Variants in SNAPC4 observed in about 807,000 individuals in gnomAD.
SNAPC4 encodes the protein snRNA-activating protein complex subunit 4.
In SNAPC4, 127 loss-of-function variants were observed where a neutral mutation model predicts 151.3. That is an observed-to-expected ratio of 0.84 (90% confidence interval 0.73 to 0.97). The LOEUF is 0.97. SNAPC4 is among the 50% of genes least tolerant of loss of function. The pLI is 0.00. For missense variants in SNAPC4, 2,186 were observed against 1,935.0 expected (o/e 1.13, Z -2.43); for synonymous variants, 1,002 against 824.4 (o/e 1.22, Z -3.69).
Position 136,377,890 on chromosome 9 carries a change from C to T in SNAPC4, c.3937G>A (p.Ala1313Thr), listed in dbSNP as rs1833516050. ...TTGTGGAGTAGGAGACCGGACAGAG[C>T]TCGCAGGCTGCACAGGGCTGGGGGC... is the stretch of plus-strand genomic sequence containing the variant. ...YQPPALCSLR[A>T]LSGLLLHKKA... Residue 1313 changes from alanine to threonine, a missense_variant, in exon 22 of 24, where the codon GCT becomes ACT. Coordinates refer to ENST00000684778, the MANE Select transcript of SNAPC4 (RefSeq NM_003086.4). 1 of 1,611,404 alleles carries T rather than the reference C, an allele frequency of 6.2e-7. No homozygotes were observed. The highest frequency in any genetic ancestry group is 8.5e-7 in the Non-Finnish European group (1 of 1,179,814).
In SNAPC4 at chr9:136,379,172, G is replaced by A. The variant is rs751386317; in HGVS notation, c.2655C>T (p.Gly885=). The part of the protein sequence containing the change: ...LPQASLLAST[G]PRPKPKTVSE... ...ACACAGTCTTGGGCTTGGGCCGGGG[G>A]CCGGTTGAAGCCAGCAGGGACGCCT... Residue 885 remains glycine, a synonymous_variant, in exon 22 of 24, where the codon GGC becomes GGT. Transcript: ENST00000684778. 1.9e-5 allele frequency: 31 copies of A among 1,593,976 alleles called. No individual in the cohort carries two copies. The highest frequency in any genetic ancestry group is 2.5e-5 in the Non-Finnish European group (29 of 1,171,442).
At chr9:136,392,378 A>G (rs1392913077) in intron 9 of SNAPC4, 144 bp downstream of exon 9, 5 of 876,064 alleles carry the variant, frequency 5.7e-6, no homozygotes, top group African/African-American at 3.3e-5. Flanking sequence ...ACTGTGGGAC[A>G]TGTGCTTGAC....
chr9:136,389,875 C>T (rs1436841797), intron 10 of SNAPC4, among the ~76,000 whole-genome samples: 2 of 152,192 alleles, frequency 1.3e-5, no homozygotes, highest in African/African-American at 4.8e-5. Context: ...CCTGGCTTTT[C>T]TTGACAGTGA....
intron 7 of SNAPC4, 49 bp from the exon 8 acceptor site, chr9:136,392,826 G>A: frequency 6.7e-7 from 1 of 1,498,674 alleles, no homozygotes; most frequent in South Asian, 1.1e-5. Flanking sequence ...GGGCTGCGGG[G>A]CGGGGCAGGT....
chr9:136,377,692 C>T lies in SNAPC4; in HGVS notation c.4135G>A (p.Ala1379Thr). The change falls in exon 22 of 24, where the codon GCC (alanine) becomes ACC (threonine). Residue 1379 changes from alanine (A) to threonine (T), a missense_variant. Coordinates refer to ENST00000684778, the MANE Select transcript of SNAPC4 (RefSeq NM_003086.4). Reference sequence around the variant, plus strand: ...CGGACGCCTTGGGGGGCCAGGGTGGCCAGGAGCGCAGGGAGGGTGAAGGCT... The same window carrying T: ...CGGACGCCTTGGGGGGCCAGGGTGGTCAGGAGCGCAGGGAGGGTGAAGGCT... ...LAAFTLPALL[A>T]TLAPQGVRTT... 6.2e-7 allele frequency: 1 copy of T among 1,608,244 alleles called. No individual in the cohort carries two copies. The highest frequency in any genetic ancestry group is 1.7e-5 in the Admixed American group (1 of 59,754).
At chr9:136,392,478 C>T in intron 9 of SNAPC4, 44 bp downstream of exon 9, 1 of 1,587,560 alleles carries the variant, frequency 6.3e-7, no homozygotes, top group Non-Finnish European at 8.6e-7. Flanking sequence ...CTACAGGGAG[C>T]TGTGCTCCAA....
At position 136,387,843 on chromosome 9, in the gene SNAPC4, A is replaced by G. The variant is rs772988777; in HGVS notation, c.1129T>C (p.Tyr377His). The G allele has an allele frequency of 6.3e-7, 1 of 1,576,340 alleles. No individual in the cohort carries two copies. Among genetic ancestry groups the G allele is most frequent in the Non-Finnish European group, 8.7e-7 (1 of 1,145,826 alleles). The change falls in exon 12 of 24, where the codon TAC becomes CAC. Residue 377 changes from tyrosine (Y) to histidine (H), a missense_variant. Transcript: ENST00000684778. ...GSHIPYRRIV[Y>H]YMEGRDSMQL... ...ATGGAGTCTCTCCCTTCCATATAGT[A>G]GACAACTAGGGACAGAGGAACAGGG...
chr9:136,382,727 C>CT (rs1398523471), intron 16 of SNAPC4, among the ~76,000 whole-genome samples: 1 of 152,242 alleles, frequency 6.6e-6, no homozygotes, highest in Non-Finnish European at 1.5e-5. Flanking sequence ...CTGTTCAACT[C>CT]TGACTGCTCC....
At chr9:136,393,297 A>C (rs1301614568) in intron 7 of SNAPC4, among the ~76,000 whole-genome samples, 1 of 152,162 alleles carries the variant, frequency 6.6e-6, no homozygotes, top group Non-Finnish European at 1.5e-5. Flanking sequence ...GGCATGGCCA[A>C]AGCCCTCTCA....
chr9:136,384,821 G>A lies in SNAPC4; in HGVS notation c.1326-7C>T, dbSNP rs371014576. ...ATGTAATCTCCTGAGATACCTGAAC[G>A]TGACATGAAAAGCAAAGAACGTTTT... On this transcript the variant is annotated splice_region_variant and splice_polypyrimidine_tract_variant and intron_variant, in intron 13 of 23. Coordinates refer to ENST00000684778, the MANE Select transcript of SNAPC4 (RefSeq NM_003086.4). 7.1e-6 allele frequency: 11 copies of A among 1,538,504 alleles called. No individual in the cohort carries two copies. Among genetic ancestry groups the A allele is most frequent in the African/African-American group, 2.8e-5 (2 of 72,170 alleles).
chr9:136,393,530 T>C (rs1327062025), intron 7 of SNAPC4, among the ~76,000 whole-genome samples: 1 of 152,208 alleles, frequency 6.6e-6, no homozygotes, highest in Non-Finnish European at 1.5e-5. Flanking sequence ...TGCTGTGCCT[T>C]CTTTGGTCAC....
chr9:136,398,619 ACC>A, intron 1 of SNAPC4, 182 bp from the exon 2 acceptor site: 1 of 618,184 alleles, frequency 1.6e-6, no homozygotes, highest in Non-Finnish European at 2.8e-6. Flanking sequence ...GGAACCTCAG[ACC>A]CCACAAACTC....
chr9:136,397,641 G>A (rs1272266254), intron 2 of SNAPC4, among the ~76,000 whole-genome samples: 1 of 114,818 alleles, frequency 8.7e-6, no homozygotes, highest in Non-Finnish European at 1.8e-5. Flanking sequence ...GAGCACGTGG[G>A]GAGGGGAGCA....
intron 14 of SNAPC4, 53 bp from the exon 15 acceptor site, chr9:136,384,085 G>A: frequency 1.3e-6 from 2 of 1,507,748 alleles, no homozygotes; most frequent in East Asian, 4.6e-5. Context: ...TCTTCCCCAG[G>A]ACAGGCTTGC....
chr9:136,378,200 G>A lies in SNAPC4; in HGVS notation c.3627C>T (p.Phe1209=), dbSNP rs141247309. The change falls in exon 22 of 24, where the codon TTC becomes TTT. Residue 1209 remains phenylalanine, a synonymous_variant. Transcript: ENST00000684778. ...GCTCAGTTGCTGGGATGACACCACCGAAGGCTGGCAGCCTCCCGGACCAAG... is the reference window on the plus strand; with the variant it reads ...GCTCAGTTGCTGGGATGACACCACCAAAGGCTGGCAGCCTCCCGGACCAAG... ...EPPWSGRLPA[F]GGVIPATEPR... is the part of the protein sequence containing the mutation. 9.7e-5 allele frequency: 156 copies of A among 1,612,158 alleles called. 1 individual carries two copies. In the African/African-American group the frequency reaches 1.2e-3, roughly 12 times the overall value.
At position 136,378,136 on chromosome 9, in the gene SNAPC4, G is replaced by T. The variant is rs1019236506; in HGVS notation, c.3691C>A (p.Pro1231Thr). Residue 1231 changes from proline to threonine, a missense_variant, in exon 22 of 24, where the codon CCC becomes ACC. Pro to Thr is a conservative substitution (Grantham distance 38). Transcript: ENST00000684778. The stretch of plus-strand genomic sequence containing the variant: ...TTCTCCAGGCCCAGAGGCCCCCTGG[G>T]CTCCTGTGTCCCTGAGGGGGACCCC... The part of the protein sequence containing the change: ...TPGSPSGTQE[P>T]RGPLGLEKLP... 6.2e-7 allele frequency: 1 copy of T among 1,607,484 alleles called. No homozygotes were observed. Among genetic ancestry groups the T allele is most frequent in the Non-Finnish European group, 8.5e-7 (1 of 1,178,096 alleles).
chr9:136,397,240 G>GGGGA (rs1160264637), intron 2 of SNAPC4, among the ~76,000 whole-genome samples: 5 of 152,138 alleles, frequency 3.3e-5, no homozygotes, highest in Non-Finnish European at 7.3e-5. Flanking sequence ...ACCACACACT[G>GGGGA]GGGACCTCCA....
Position 136,382,087 on chromosome 9 carries a change from G to A in SNAPC4, c.2068-14C>T, listed in dbSNP as rs1484587438. On this transcript the variant is annotated splice_polypyrimidine_tract_variant and intron_variant, in intron 17 of 23. Transcript: ENST00000684778. ...CAGCTGCTCTTTCTGTAAGGAGAAG[G>A]CAGCACCTGGGGCCCATGGCCAGGC... The A allele has an allele frequency of 5.1e-6, 8 of 1,570,360 alleles. No individual in the cohort carries two copies. The highest frequency in any genetic ancestry group is 1.4e-5 in the African/African-American group (1 of 73,852).
At chr9:136,394,932 G>A in intron 5 of SNAPC4, 54 bp from the exon 6 acceptor site, 2 of 1,495,804 alleles carry the variant, frequency 1.3e-6, no homozygotes, top group South Asian at 2.3e-5. Flanking sequence ...CTCCCTGCAG[G>A]CCCAGCACAT....
Sources: gnomAD v4.1 joint callset for allele counts (sites outside exome capture counted in the v4.1 genomes callset) on GRCh38, gnomAD v4.1.1 for gene constraint, MANE v1.5 for transcripts, NCBI Gene and HGNC (gene_info 2026-07-23, HGNC 2026-07-21) for gene names.